The following CCDC141 variants were observed in gnomAD, a reference collection of about 807,000 sequenced individuals.
CCDC141 encodes the protein coiled-coil domain containing 141.
A neutral mutation model predicts 181.0 loss-of-function variants in CCDC141; 168 were observed. The observed-to-expected ratio is 0.93, with a 90% CI of 0.82 to 1.05. The LOEUF (loss-of-function observed/expected upper bound fraction) is 1.05. Among genes scored for constraint, CCDC141 ranks in the 50% least tolerant of loss-of-function variants. CCDC141 has a pLI of 0.00. For missense variants in CCDC141, 1,902 were observed against 1,788.5 expected, an observed-to-expected ratio of 1.06 and a Z score of -1.14; for synonymous variants, 666 against 642.3, an observed-to-expected ratio of 1.04 and a Z score of -0.56.
In CCDC141 at chr2:178,975,116, T is replaced by A. The variant is rs912528779; in HGVS notation, c.467A>T (p.Glu156Val). ...QAEDFLQNTH[E>V]FESAESLKSL... ...TTTTAAGGACTCAGCACTCTCAAAC[T>A]CATGAGTATTCTGGAGGAAATCTTC... The change falls in exon 4 of 24, where the codon GAG becomes GTG. Residue 156 changes from glutamate to valine, a missense_variant. Transcript: ENST00000443758. 3.9e-6 allele frequency: 6 copies of A among 1,526,612 alleles called. No homozygotes were observed. The highest frequency in any genetic ancestry group is 3.5e-6 in the Non-Finnish European group (4 of 1,129,110). The allele number at this position is 1,526,612 out of a possible 1,614,324, so 94.6% of individuals were successfully genotyped here.
intron 17 of CCDC141, among the ~76,000 whole-genome samples, chr2:178,859,739 A>T (rs1450030911): frequency 6.6e-6 from 1 of 152,224 alleles, no homozygotes; most frequent in Non-Finnish European, 1.5e-5. Context: ...AGATTTAAAA[A>T]CTATAGCTAT....
chr2:178,825,216 A>G (rs2154364752), downstream of CCDC141: 1 of 152,316 alleles, frequency 6.6e-6, no homozygotes, highest in South Asian at 2.1e-4. Context: ...AAGGTGTAAT[A>G]CAGTGGTTGG....
chr2:179,021,172 G>A (rs1225398617), intron 2 of CCDC141, among the ~76,000 whole-genome samples: 1 of 152,092 alleles, frequency 6.6e-6, no homozygotes, highest in Admixed American at 6.5e-5. Context: ...CTAAGAAGTA[G>A]GTTGTACCTT....
In CCDC141 at chr2:178,933,236, T is replaced by C. The variant is rs183890221; in HGVS notation, c.897+11299A>G. ...TTCTCTCCCATAACTTTAAAAATTA[T>C]TATTAATCAAGAACTTCATGAACAA... On this transcript the variant is annotated intron_variant, in intron 6 of 23. Transcript: ENST00000443758. Among the ~76,000 whole-genome samples, 155 of 152,316 alleles carry C rather than the reference T, an allele frequency of 1.0e-3. 1 individual carries two copies. The highest frequency in any genetic ancestry group is 5.9e-5 in the Non-Finnish European group (4 of 68,008).
In CCDC141 at chr2:178,833,968, A is replaced by C. The variant is rs1684365703; in HGVS notation, c.*205T>G. The C allele has an allele frequency of 1.7e-6, 1 of 573,984 alleles. No homozygotes were observed. The highest frequency in any genetic ancestry group is 2.9e-5 in the East Asian group (1 of 33,974). 35.6% of individuals were successfully genotyped at this position (573,984 alleles called of 1,614,324 possible). A position where few individuals can be genotyped will look rare whatever the true frequency, so the allele number is the denominator to read the frequency against. On this transcript the variant is annotated 3_prime_UTR_variant, in exon 24 of 24. Coordinates refer to ENST00000443758, the MANE Select transcript of CCDC141 (RefSeq NM_173648.4). ...ACAAAAATCTGTTCTTATCCACTAC[A>C]GATAATTTACCAAGCTTCTCAAATA...
chr2:178,837,067 C>A lies in CCDC141; in HGVS notation c.4152G>T (p.Arg1384Ser). The change falls in exon 23 of 24, where the codon AGG (arginine) becomes AGT (serine). Residue 1384 changes from arginine to serine, a missense_variant. Physicochemically the swap from Arg to Ser is moderately radical, Grantham distance 110. Transcript: ENST00000443758. ...TAATCTCTTCTCGAGGAACCATTTG[C>A]CTCTGATAGCCCCTGCTGGTGCCTG... is the stretch of plus-strand genomic sequence containing the variant. ...FQSGTSRGYQ[R>S]QMVPREEIKS... 1 of 1,613,988 alleles carries A rather than the reference C, an allele frequency of 6.2e-7. No individual in the cohort carries two copies. The highest frequency in any genetic ancestry group is 8.5e-7 in the Non-Finnish European group (1 of 1,179,962).
intron 22 of CCDC141, among the ~76,000 whole-genome samples, chr2:178,840,404 A>T (rs1684672692): frequency 6.6e-6 from 1 of 152,210 alleles, no homozygotes; most frequent in Admixed American, 6.5e-5. Flanking sequence ...AATTGTCTGA[A>T]AACTTACAAC....
intron 2 of CCDC141, among the ~76,000 whole-genome samples, chr2:178,980,166 G>A (rs1393900468): frequency 6.6e-6 from 1 of 152,146 alleles, no homozygotes; most frequent in Non-Finnish European, 1.5e-5. Context: ...AGAGTAGATA[G>A]CTTCAAGGGA....
chr2:178,905,196 G>A, intron 8 of CCDC141, 133 bp downstream of exon 8: 4 of 791,330 alleles, frequency 5.1e-6, no homozygotes, highest in Non-Finnish European at 7.8e-6. Context: ...AACTTCAATA[G>A]ATCCTTTTAA....
At chr2:178,933,760 A>C (rs762483824) in intron 6 of CCDC141, among the ~76,000 whole-genome samples, 3 of 152,178 alleles carry the variant, frequency 2.0e-5, no homozygotes, top group African/African-American at 7.2e-5. Flanking sequence ...CTCAAATCCA[A>C]ATGCTTACAG....
chr2:179,039,613 C>A (rs1339231367), intron 2 of CCDC141, among the ~76,000 whole-genome samples: 3 of 152,092 alleles, frequency 2.0e-5, no homozygotes, highest in Admixed American at 6.5e-5. Context: ...AATCCTACAC[C>A]CTTCCAATGC....
At chr2:178,837,884 G>A (rs1684557958) in intron 22 of CCDC141, 140 bp from the exon 23 acceptor site, 4 of 819,666 alleles carry the variant, frequency 4.9e-6, no homozygotes, top group Non-Finnish European at 7.5e-6. Context: ...CAAGAATTAC[G>A]GATGAGAAAC....
chr2:178,951,870 A>T (rs1689964500), intron 5 of CCDC141, among the ~76,000 whole-genome samples: 1 of 152,218 alleles, frequency 6.6e-6, no homozygotes, highest in African/African-American at 2.4e-5. Flanking sequence ...ATCACTTCTG[A>T]GAGTGAATAT....
chr2:179,005,768 C>G (rs977233862), intron 2 of CCDC141, among the ~76,000 whole-genome samples: 3 of 152,162 alleles, frequency 2.0e-5, no homozygotes, highest in Non-Finnish European at 4.4e-5. Context: ...TGCCACCAAG[C>G]CTGGTTAATG....
At chr2:178,955,313 T>A (rs1389698417) in intron 5 of CCDC141, among the ~76,000 whole-genome samples, 1 of 151,762 alleles carries the variant, frequency 6.6e-6, no homozygotes, top group East Asian at 1.9e-4. Context: ...ATAATAATAA[T>A]AAACAGAAGT....
At chr2:178,998,449 T>C (rs942906442) in intron 2 of CCDC141, among the ~76,000 whole-genome samples, 11 of 152,286 alleles carry the variant, frequency 7.2e-5, no homozygotes, top group Admixed American at 3.9e-4. Context: ...AGGAGGAATC[T>C]AGCTATTGTA....
chr2:178,966,295 G>T (rs1356818618), intron 4 of CCDC141, among the ~76,000 whole-genome samples: 1 of 152,180 alleles, frequency 6.6e-6, no homozygotes, highest in Non-Finnish European at 1.5e-5. Flanking sequence ...CCTCAAGTGG[G>T]TCCCTGACCC....
downstream of CCDC141, among the ~76,000 whole-genome samples, chr2:178,825,709 C>T (rs1339659986): frequency 6.8e-6 from 1 of 146,806 alleles, no homozygotes; most frequent in East Asian, 2.0e-4. Context: ...ATAATGTCTG[C>T]AACCAACATA....
intron 2 of CCDC141, among the ~76,000 whole-genome samples, chr2:179,031,432 A>G (rs1575369692): frequency 1.3e-5 from 2 of 152,014 alleles, no homozygotes; most frequent in African/African-American, 4.8e-5. Flanking sequence ...TCAAAAAACC[A>G]GCTTTTGTTC....
Sources: gnomAD v4.1 joint callset for allele counts (sites outside exome capture counted in the v4.1 genomes callset) on GRCh38, gnomAD v4.1.1 for gene constraint, MANE v1.5 for transcripts, NCBI Gene and HGNC (gene_info 2026-07-23, HGNC 2026-07-21) for gene names.